OSBPL10: variants seen among roughly 807,000 people sequenced by gnomAD.
OSBPL10 encodes the protein oxysterol-binding protein-related protein 10.
A neutral mutation model predicts 81.7 loss-of-function variants in OSBPL10; 49 were observed. That is an observed-to-expected ratio of 0.60 (90% confidence interval 0.48 to 0.76). OSBPL10 has a LOEUF of 0.76. Among genes scored for constraint, OSBPL10 ranks in the 30% least tolerant of loss-of-function variants. OSBPL10 has a pLI of 0.00. For synonymous variants in OSBPL10, 419 were observed against 383.6 expected (o/e 1.09, Z -1.08); for missense variants, 923 against 987.8 (o/e 0.93, Z 0.88).
chr3:31,880,945 G>A (rs79333014), intron 1 of OSBPL10, among the ~76,000 whole-genome samples: 6,791 of 152,268 alleles, frequency 0.045, 532 homozygotes, highest in African/African-American at 0.15. Context: ...ATGAACCAAT[G>A]ACAGTGCAAT....
chr3:31,800,577 T>A (rs1397258160), intron 4 of OSBPL10, among the ~76,000 whole-genome samples: 1 of 152,034 alleles, frequency 6.6e-6, no homozygotes, highest in Non-Finnish European at 1.5e-5. Flanking sequence ...AAAACCACAC[T>A]CTCTCACTGA....
intron 3 of OSBPL10, among the ~76,000 whole-genome samples, chr3:31,864,539 CATATACTTAACCAT>C (rs1474651730): frequency 7.9e-5 from 12 of 152,102 alleles, no homozygotes; most frequent in African/African-American, 2.9e-4. Context: ...CGCACCCGAC[CATATACTTAACCAT>C]ATAAAGTATA....
chr3:31,934,374 C>G (rs895206620), intron 1 of OSBPL10, among the ~76,000 whole-genome samples: 13 of 148,984 alleles, frequency 8.7e-5, no homozygotes, highest in Non-Finnish European at 3.0e-5. Flanking sequence ...ATTTTAAACC[C>G]AAATTTCATA....
chr3:31,851,251 C>T (rs1700756840), intron 3 of OSBPL10, among the ~76,000 whole-genome samples: 1 of 152,184 alleles, frequency 6.6e-6, no homozygotes, highest in African/African-American at 2.4e-5. Flanking sequence ...GTACAGAAAT[C>T]CCCGATGCCC....
intron 4 of OSBPL10, among the ~76,000 whole-genome samples, chr3:31,793,514 T>C (rs1699087876): frequency 6.6e-6 from 1 of 152,230 alleles, no homozygotes; most frequent in East Asian, 1.9e-4. Context: ...CTGTGTAGGT[T>C]TAAGGAGGAT....
chr3:31,885,378 C>T (rs1243410251), intron 1 of OSBPL10, among the ~76,000 whole-genome samples: 2 of 152,170 alleles, frequency 1.3e-5, no homozygotes, highest in Non-Finnish European at 2.9e-5. Context: ...CACCCATGCA[C>T]TCACCCTTGA....
chr3:31,806,102 T>C (rs1699515788), intron 4 of OSBPL10, among the ~76,000 whole-genome samples: 1 of 152,144 alleles, frequency 6.6e-6, no homozygotes, highest in African/African-American at 2.4e-5. Context: ...GGCAGTCTGG[T>C]TACAGGCCCT....
intron 6 of OSBPL10, chr3:31,711,212 T>A (rs542535948): frequency 6.6e-6 from 1 of 152,346 alleles, no homozygotes; most frequent in African/African-American, 2.4e-5. Flanking sequence ...TTTATGCAAG[T>A]GCACACCTAC....
intron 1 of OSBPL10, among the ~76,000 whole-genome samples, chr3:31,927,621 C>T (rs913007633): frequency 6.6e-6 from 1 of 152,026 alleles, no homozygotes; most frequent in Non-Finnish European, 1.5e-5. Flanking sequence ...ACTAAATGGC[C>T]CTAAGTGGCC....
chr3:31,901,513 C>T (rs1037171836), intron 1 of OSBPL10, among the ~76,000 whole-genome samples: 5 of 152,206 alleles, frequency 3.3e-5, no homozygotes, highest in Non-Finnish European at 4.4e-5. Context: ...GCTTTCAGAT[C>T]CCAGCTGAAA....
At chr3:31,830,018 C>T (rs111451209) in intron 4 of OSBPL10, 22 bp downstream of exon 4, 2 of 1,602,664 alleles carry the variant, frequency 1.2e-6, no homozygotes. Context: ...GCTGCTTAAC[C>T]TAGTAGGAGA....
At chr3:32,068,986 C>A (rs1699804741) in intron 1 of OSBPL10, among the ~76,000 whole-genome samples, 1 of 152,144 alleles carries the variant, frequency 6.6e-6, no homozygotes. Flanking sequence ...TACCTCCCCT[C>A]CCCACACCCG....
chr3:32,051,672 T>G (rs1345900531), intron 1 of OSBPL10, among the ~76,000 whole-genome samples: 1 of 152,198 alleles, frequency 6.6e-6, no homozygotes, highest in Non-Finnish European at 1.5e-5. Context: ...AAACTGCATG[T>G]TTTCCTAGAC....
chr3:31,876,510 C>A lies in OSBPL10; in HGVS notation c.460G>T (p.Ala154Ser), dbSNP rs757359276. The A allele has an allele frequency of 6.2e-7, 1 of 1,611,386 alleles. No homozygotes were observed. Among genetic ancestry groups the A allele is most frequent in the Non-Finnish European group, 8.5e-7 (1 of 1,177,504 alleles). Residue 154 changes from alanine to serine, a missense_variant and splice_region_variant, in exon 3 of 12, where the codon GCT (alanine) becomes TCT (serine). Coordinates refer to ENST00000396556, the MANE Select transcript of OSBPL10 (RefSeq NM_017784.5). ...ANGEMFKLRAADAKEKQFWVT... is the reference protein window; with the variant it reads ...ANGEMFKLRASDAKEKQFWVT... ...CAGAATTGTTTCTCTTTTGCATCAG[C>A]AGCTAAAATAGAGAAAACAGAGAAA...
chr3:31,863,772 T>C (rs957026139), intron 3 of OSBPL10, among the ~76,000 whole-genome samples: 2 of 152,196 alleles, frequency 1.3e-5, no homozygotes, highest in Non-Finnish European at 2.9e-5. Flanking sequence ...TTTCAGCTAC[T>C]GGTTAATAGT....
chr3:31,664,125 C>T lies in OSBPL10; in HGVS notation c.2204G>A (p.Arg735His), dbSNP rs758818512. The change falls in exon 11 of 12, where the codon CGC (arginine) becomes CAC (histidine). Residue 735 changes from arginine to histidine, a missense_variant. Arg to His is a conservative substitution (Grantham distance 29, BLOSUM62 0). Coordinates refer to ENST00000396556, the MANE Select transcript of OSBPL10 (RefSeq NM_017784.5). ...CTTCCATGGTGTGCGGAGGTTCTCG[C>T]GCTTCCGTTCCTCCACCCGTTGCTT... is the stretch of plus-strand genomic sequence containing the variant. ...EEKQRVEERK[R>H]ENLRTPWKPK... 9.3e-6 allele frequency: 15 copies of T among 1,613,898 alleles called. No individual in the cohort carries two copies. The highest frequency in any genetic ancestry group is 5.0e-5 in the Admixed American group (3 of 60,002).
At chr3:32,023,518 C>T (rs1201099703) in intron 2 of OSBPL10, among the ~76,000 whole-genome samples, 4 of 152,144 alleles carry the variant, frequency 2.6e-5, no homozygotes, top group African/African-American at 9.7e-5. Context: ...TAGATAGGTG[C>T]CCAGAATGTC....
intron 1 of OSBPL10, among the ~76,000 whole-genome samples, chr3:31,927,187 T>C (rs961908236): frequency 6.6e-6 from 1 of 151,852 alleles, no homozygotes; most frequent in Non-Finnish European, 1.5e-5. Context: ...GTCACTGACA[T>C]TTCAAATCTG....
At chr3:31,952,441 C>T (rs1205533661) in intron 1 of OSBPL10, among the ~76,000 whole-genome samples, 1 of 152,200 alleles carries the variant, frequency 6.6e-6, no homozygotes, top group Non-Finnish European at 1.5e-5. Flanking sequence ...CGTCACGCTC[C>T]GTGAGAGCAC....
Sources: allele counts gnomAD v4.1 joint callset (sites outside exome capture counted in the v4.1 genomes callset), GRCh38; gene constraint gnomAD v4.1.1; transcripts MANE v1.5; gene names NCBI Gene and HGNC (gene_info 2026-07-23, HGNC 2026-07-21).